The following TIAM2 variants were observed in gnomAD, a reference collection of about 807,000 sequenced individuals.
TIAM2 encodes the protein TIAM Rac1 associated GEF 2, also known as rho guanine nucleotide exchange factor TIAM2.
Under a neutral mutation model 152.9 loss-of-function variants are expected in TIAM2, and 80 were observed. That is an observed-to-expected ratio of 0.52 (90% confidence interval 0.44 to 0.63). The LOEUF is 0.63. TIAM2 is among the 30% of genes least tolerant of loss of function. The probability of loss-of-function intolerance (pLI) is 0.00; values close to 1 mark genes in which losing one functional copy is unlikely to be tolerated. For missense variants in TIAM2, 1,965 were observed against 2,120.1 expected, an observed-to-expected ratio of 0.93 and a Z score of 1.44; for synonymous variants, 804 against 838.0, an observed-to-expected ratio of 0.96 and a Z score of 0.70.
At chr6:155,041,774 G>T (rs1777052568) in intron 1 of TIAM2, among the ~76,000 whole-genome samples, 1 of 152,176 alleles carries the variant, frequency 6.6e-6, no homozygotes, top group African/African-American at 2.4e-5. Context: ...AGCTCCGTAG[G>T]TTTTCTCTCT....
At chr6:155,239,746 G>C (rs941318848) in intron 15 of TIAM2, among the ~76,000 whole-genome samples, 2 of 152,100 alleles carry the variant, frequency 1.3e-5, no homozygotes, top group African/African-American at 4.8e-5. Flanking sequence ...CCTAGGCCTG[G>C]CCCTGGCTCC....
intron 2 of TIAM2, among the ~76,000 whole-genome samples, chr6:155,098,181 A>G (rs1291220306): frequency 6.6e-6 from 1 of 151,752 alleles, no homozygotes; most frequent in African/African-American, 2.4e-5. Context: ...CATAAAGTTT[A>G]GAACACCTTT....
intron 1 of TIAM2, among the ~76,000 whole-genome samples, chr6:155,015,951 A>C (rs1391526775): frequency 1.4e-5 from 2 of 146,094 alleles, no homozygotes; most frequent in African/African-American, 2.7e-5. Flanking sequence ...AACCAAAAAA[A>C]AAAAAAAAAA....
intron 10 of TIAM2, among the ~76,000 whole-genome samples, chr6:155,178,356 C>G (rs939434703): frequency 2.0e-5 from 3 of 151,990 alleles, no homozygotes; most frequent in Non-Finnish European, 2.9e-5. Flanking sequence ...TAACATTTTA[C>G]AAATTTCTGT....
At chr6:155,209,294 A>G (rs2115208778) in intron 14 of TIAM2, among the ~76,000 whole-genome samples, 1 of 152,232 alleles carries the variant, frequency 6.6e-6, no homozygotes, top group East Asian at 1.9e-4. Flanking sequence ...CTGCTACTCA[A>G]GAAGTATGTG....
At chr6:155,250,523 G>A in intron 21 of TIAM2, 1 of 1,534,960 alleles carries the variant, frequency 6.5e-7, no homozygotes, top group Non-Finnish European at 8.7e-7. Flanking sequence ...TTCAATGCTG[G>A]TGCTCTTTTA....
Position 155,038,953 on chromosome 6 carries a change from C to CTTTT in TIAM2, c.-209+43482_-209+43485dup, listed in dbSNP as rs33971396. ...CGGAGCGAGAGCCTGTGAGCATGTC[C>CTTTT]TTTTTTTTTTTTTTTTTTTTTTTTG... is the stretch of plus-strand genomic sequence containing the variant. On this transcript the variant is annotated intron_variant, in intron 1 of 26. Coordinates refer to ENST00000682666, the MANE Select transcript of TIAM2 (RefSeq NM_012454.4). Among the ~76,000 whole-genome samples, 30 of 64,184 alleles carry CTTTT rather than the reference C, an allele frequency of 4.7e-4. 1 individual carries two copies. Among genetic ancestry groups the CTTTT allele is most frequent in the African/African-American group, 2.2e-3 (30 of 13,900 alleles). The allele number at this position is 64,184 out of a possible 152,430, so 42.1% of individuals were successfully genotyped here. A position where few individuals can be genotyped will look rare whatever the true frequency, so the allele number is the denominator to read the frequency against.
intron 1 of TIAM2, among the ~76,000 whole-genome samples, chr6:155,046,247 T>C (rs1020917848): frequency 2.6e-5 from 4 of 152,044 alleles, no homozygotes; most frequent in African/African-American, 7.2e-5. Flanking sequence ...AGCATTGCTG[T>C]TTGTTTTATT....
chr6:155,176,562 C>T (rs183171937), intron 9 of TIAM2, among the ~76,000 whole-genome samples: 10 of 152,296 alleles, frequency 6.6e-5, no homozygotes, highest in African/African-American at 1.4e-4. Flanking sequence ...TTGGCATAAG[C>T]GGTCAATTGA....
intron 1 of TIAM2, among the ~76,000 whole-genome samples, chr6:155,068,980 T>C (rs1053615676): frequency 1.3e-5 from 2 of 151,914 alleles, no homozygotes; most frequent in African/African-American, 2.4e-5. Flanking sequence ...TGCAGTGATG[T>C]AAATCACAGC....
chr6:155,254,326 C>A, intron 25 of TIAM2, 93 bp from the exon 26 acceptor site: 1 of 1,510,022 alleles, frequency 6.6e-7, no homozygotes, highest in Middle Eastern at 1.8e-4. Flanking sequence ...CCTGGTCCAG[C>A]AGGTGCAAGG....
chr6:155,247,338 GTTTT>G (rs1358517138), intron 19 of TIAM2, among the ~76,000 whole-genome samples: 1 of 151,158 alleles, frequency 6.6e-6, no homozygotes, highest in East Asian at 1.9e-4. Context: ...TTTTGATGTT[GTTTT>G]TTTTGAGATG....
chr6:155,182,890 G>A (rs777504397), intron 13 of TIAM2, among the ~76,000 whole-genome samples: 1 of 152,228 alleles, frequency 6.6e-6, no homozygotes, highest in Non-Finnish European at 1.5e-5. Context: ...TCGAATAGTA[G>A]CTGTGAGAGA....
At chr6:155,189,261 T>C (rs1562347741) in intron 14 of TIAM2, among the ~76,000 whole-genome samples, 1 of 152,216 alleles carries the variant, frequency 6.6e-6, no homozygotes, top group Non-Finnish European at 1.5e-5. Context: ...TCTGTTTGTG[T>C]GTAAAACTGC....
Position 155,176,880 on chromosome 6 carries a change from A to G in TIAM2, c.2426A>G (p.Glu809Gly). The stretch of plus-strand genomic sequence containing the variant: ...GGTGTTCCCCGAGACAATGCATGGG[A>G]AATCCAGACTTATGTCCACTTTCAG... ...VDGVPRDNAWEIQTYVHFQDN... is the reference protein window; with the variant it reads ...VDGVPRDNAWGIQTYVHFQDN... The change falls in exon 10 of 27, where the codon GAA (glutamate) becomes GGA (glycine). Residue 809 changes from glutamate to glycine, a missense_variant. Transcript: ENST00000682666. 1 of 1,614,164 alleles carries G rather than the reference A, an allele frequency of 6.2e-7. No homozygotes were observed. The highest frequency in any genetic ancestry group is 8.5e-7 in the Non-Finnish European group (1 of 1,179,984).
chr6:154,998,196 G>A (rs767179622), intron 1 of TIAM2, among the ~76,000 whole-genome samples: 2 of 152,170 alleles, frequency 1.3e-5, no homozygotes, highest in Non-Finnish European at 2.9e-5. Flanking sequence ...TCAGGTTTAC[G>A]TGTCTAATCG....
chr6:155,250,060 C>A, intron 21 of TIAM2, 91 bp downstream of exon 21: 1 of 863,424 alleles, frequency 1.2e-6, no homozygotes. Context: ...TTAGGACTTT[C>A]CTGGAGGAGA....
chr6:155,187,841 G>A (rs1480281077), intron 14 of TIAM2, among the ~76,000 whole-genome samples: 2 of 152,066 alleles, frequency 1.3e-5, no homozygotes, highest in African/African-American at 4.8e-5. Context: ...ACCTCCCAAA[G>A]TGCTGGGATT....
At chr6:155,216,886 T>C (rs775071515) in intron 15 of TIAM2, 43 of 1,167,662 alleles carry the variant, frequency 3.7e-5, no homozygotes, top group Non-Finnish European at 2.5e-5. Context: ...CAATCACCGG[T>C]GCTGCTGTGG....
Sources: allele counts gnomAD v4.1 joint callset (sites outside exome capture counted in the v4.1 genomes callset), GRCh38; gene constraint gnomAD v4.1.1; transcripts MANE v1.5; gene names NCBI Gene and HGNC (gene_info 2026-07-23, HGNC 2026-07-21).